Variants in FMNL1 observed in about 807,000 individuals in gnomAD.
FMNL1 encodes the protein formin like 1, also known as formin-like protein 1.
FMNL1 carries 43 observed loss-of-function variants against 121.3 expected under a neutral mutation model. That is an observed-to-expected ratio of 0.35 (90% CI 0.28 to 0.46). The LOEUF (loss-of-function observed/expected upper bound fraction) is 0.46. Among genes scored for constraint, FMNL1 ranks in the 20% least tolerant of loss-of-function variants. The probability of loss-of-function intolerance (pLI) is 1.00; values close to 1 mark genes in which losing one functional copy is unlikely to be tolerated. For missense variants in FMNL1, 1,191 were observed against 1,482.4 expected, an observed-to-expected ratio of 0.80 and a Z score of 3.23; for synonymous variants, 613 against 613.5, an observed-to-expected ratio of 1.00 and a Z score of 0.01.
intron 1 of FMNL1, among the ~76,000 whole-genome samples, chr17:45,227,114 G>A (rs1022513218): frequency 2.0e-5 from 3 of 152,084 alleles, no homozygotes; most frequent in Non-Finnish European, 4.4e-5. Flanking sequence ...TGGGCCCATC[G>A]GGCTGAGGAA....
At chr17:45,228,469 A>G (rs1347709876) in intron 1 of FMNL1, among the ~76,000 whole-genome samples, 1 of 152,208 alleles carries the variant, frequency 6.6e-6, no homozygotes, top group Non-Finnish European at 1.5e-5. Flanking sequence ...TCCAGGCTCA[A>G]AGCCAGCCCA....
chr17:45,230,576 C>T, intron 1 of FMNL1, 28 bp from the exon 2 acceptor site: 1 of 1,612,726 alleles, frequency 6.2e-7, no homozygotes, highest in Non-Finnish European at 8.5e-7. Flanking sequence ...GCCCCAGGCT[C>T]AGGGGTCTTT....
At position 45,233,352 on chromosome 17, in the gene FMNL1, C is replaced by T; in HGVS notation, c.401+55C>T. The stretch of plus-strand genomic sequence containing the variant: ...GGCCTAGGAAGGCTCTGCTTCCAGG[C>T]AGCTCCTGGAGCTTCCCCTTCCTAC... On this transcript the variant is annotated intron_variant, in intron 4 of 26. Coordinates refer to ENST00000331495, the MANE Select transcript of FMNL1 (RefSeq NM_005892.4). The surrounding 1 kb of genome is among the most constrained non-coding windows in gnomAD (Gnocchi z 4.1). The T allele has an allele frequency of 6.6e-7, 1 of 1,511,802 alleles. No individual in the cohort carries two copies. The highest frequency in any genetic ancestry group is 1.2e-5 in the South Asian group (1 of 82,488). The allele number at this position is 1,511,802 out of a possible 1,614,324, so 93.6% of individuals were successfully genotyped here.
intron 1 of FMNL1, among the ~76,000 whole-genome samples, chr17:45,224,684 C>T (rs1027142645): frequency 2.1e-4 from 32 of 152,200 alleles, no homozygotes; most frequent in Admixed American, 2.1e-3. Flanking sequence ...TGCAGGGAGC[C>T]CTTCTCCCAT....
chr17:45,242,228 T>G, intron 15 of FMNL1, 82 bp downstream of exon 15: 1 of 1,566,328 alleles, frequency 6.4e-7, no homozygotes, highest in Non-Finnish European at 8.7e-7. Context: ...TCCAGGGTCC[T>G]CTGCCTGGGG....
chr17:45,234,603 G>T (rs1598193063), intron 6 of FMNL1: 5 of 285,476 alleles, frequency 1.8e-5, no homozygotes, highest in South Asian at 1.5e-4. Flanking sequence ...GATGGAGGTT[G>T]CAGTGAGCTG....
At chr17:45,244,453 C>G (rs769408951) in intron 19 of FMNL1, among the ~76,000 whole-genome samples, 13 of 152,246 alleles carry the variant, frequency 8.5e-5, no homozygotes, top group Non-Finnish European at 1.3e-4. Context: ...CCGGAGGGCT[C>G]AGTCCCCTTT....
At chr17:45,230,540 C>A in intron 1 of FMNL1, 64 bp from the exon 2 acceptor site, 1 of 1,527,482 alleles carries the variant, frequency 6.5e-7, no homozygotes, top group Non-Finnish European at 9.0e-7. Context: ...CCCCAAATGC[C>A]CATTCTCCCC....
At position 45,237,241 on chromosome 17, in the gene FMNL1, G is replaced by T. The variant is rs1280361328; in HGVS notation, c.724-40G>T. 2 of 1,605,238 alleles carry T rather than the reference G, an allele frequency of 1.2e-6. No homozygotes were observed. The highest frequency in any genetic ancestry group is 1.7e-6 in the Non-Finnish European group (2 of 1,172,094). ...TGGCGTGGGTGCCTGAAGTCCTGGGGGGCCCTTCCTGGAGACACTGACCTC... is the reference window on the plus strand; with the variant it reads ...TGGCGTGGGTGCCTGAAGTCCTGGGTGGCCCTTCCTGGAGACACTGACCTC... On this transcript the variant is annotated intron_variant, in intron 7 of 26. Coordinates refer to ENST00000331495, the MANE Select transcript of FMNL1 (RefSeq NM_005892.4). This position sits in a 1 kb window ranked among gnomAD's most constrained non-coding sequence, Gnocchi z 4.4.
At position 45,233,184 on chromosome 17, in the gene FMNL1, C is replaced by T. The variant is rs375430667; in HGVS notation, c.328-40C>T. Reference sequence around the variant, plus strand: ...AGGACTTGGTGGGCCTGTGGGAGGCCGGGCTCCACCCACCAGCCTTCCCTG... The same window carrying T: ...AGGACTTGGTGGGCCTGTGGGAGGCTGGGCTCCACCCACCAGCCTTCCCTG... On this transcript the variant is annotated intron_variant, in intron 3 of 26. Coordinates refer to ENST00000331495, the MANE Select transcript of FMNL1 (RefSeq NM_005892.4). The surrounding 1 kb of genome is among the most constrained non-coding windows in gnomAD (Gnocchi z 4.1). The T allele has an allele frequency of 5.6e-5, 87 of 1,546,066 alleles. No homozygotes were observed. Among genetic ancestry groups the T allele is most frequent in the African/African-American group, 2.7e-4 (20 of 73,004 alleles).
chr17:45,239,306 A>G (rs538394442), intron 11 of FMNL1: 1 of 515,262 alleles, frequency 1.9e-6, no homozygotes, highest in East Asian at 3.4e-5. Context: ...TGCCTGGCAC[A>G]TACCAGGCCC....
intron 1 of FMNL1, among the ~76,000 whole-genome samples, chr17:45,229,343 G>T (rs1032773336): frequency 1.3e-5 from 2 of 152,214 alleles, no homozygotes; most frequent in African/African-American, 4.8e-5. Flanking sequence ...GTAAGGTCTG[G>T]CTGGAGCCCC....
Position 45,230,599 on chromosome 17 carries a change from C to G in FMNL1, c.130-5C>G, listed in dbSNP as rs2043418297. Reference sequence around the variant, plus strand: ...CTCAGGGGTCTTTGTCCTCCCTGTCCCCAGAACTGCATGAACTTGCCCCCA... The same window carrying G: ...CTCAGGGGTCTTTGTCCTCCCTGTCGCCAGAACTGCATGAACTTGCCCCCA... On this transcript the variant is annotated splice_region_variant and splice_polypyrimidine_tract_variant and intron_variant, in intron 1 of 26. Transcript: ENST00000331495. 5 of 1,613,790 alleles carry G rather than the reference C, an allele frequency of 3.1e-6. No individual in the cohort carries two copies. In the South Asian group the frequency reaches 4.4e-5, roughly 14 times the overall value.
In FMNL1 at chr17:45,222,941, T is replaced by C. The variant is rs1000775897; in HGVS notation, c.129+688T>C. 9.2e-5 allele frequency among the ~76,000 whole-genome samples: 14 copies of C among 152,176 alleles called. 1 individual carries two copies. The highest frequency in any genetic ancestry group is 3.4e-4 in the African/African-American group (14 of 41,552). ...CCCCCCTCTGTGCCTACCTGGGGAA[T>C]TGGAGCGGGGTCGCTGGGGAATAGG... On this transcript the variant is annotated intron_variant, in intron 1 of 26. Coordinates refer to ENST00000331495, the MANE Select transcript of FMNL1 (RefSeq NM_005892.4).
At position 45,242,387 on chromosome 17, in the gene FMNL1, C is replaced by A. The variant is rs149202333; in HGVS notation, c.1932C>A (p.Leu644=). ...KPIQTKFRMP[L]LNWVALKPSQ... Reference sequence around the variant, plus strand: ...TCCAGACTAAGTTCCGAATGCCACTCTTGAACTGGGTGGCACTGAAACCCA... The same window carrying A: ...TCCAGACTAAGTTCCGAATGCCACTATTGAACTGGGTGGCACTGAAACCCA... Residue 644 remains leucine (L), a synonymous_variant, in exon 16 of 27, where the codon CTC becomes CTA. Coordinates refer to ENST00000331495, the MANE Select transcript of FMNL1 (RefSeq NM_005892.4). The A allele has an allele frequency of 6.8e-6, 11 of 1,614,150 alleles. No homozygotes were observed. Among genetic ancestry groups the A allele is most frequent in the Non-Finnish European group, 9.3e-6 (11 of 1,179,978 alleles).
intron 1 of FMNL1, among the ~76,000 whole-genome samples, chr17:45,230,181 C>G (rs961445926): frequency 6.6e-6 from 1 of 152,086 alleles, no homozygotes; most frequent in East Asian, 1.9e-4. Context: ...ACTGGCCACA[C>G]TTTGGCCTGA....
chr17:45,228,803 G>T lies in FMNL1; in HGVS notation c.130-1801G>T, dbSNP rs1041792837. 4.0e-5 allele frequency among the ~76,000 whole-genome samples: 6 copies of T among 150,836 alleles called. No homozygotes were observed. In the East Asian group the frequency reaches 1.2e-3, roughly 30 times the overall value. On this transcript the variant is annotated intron_variant, in intron 1 of 26. Transcript: ENST00000331495. ...CTGTCCCCTCTGTGGCTCTGTGCTG[G>T]GCTCAGCCATCCCCTTACTCCCTGG... is the stretch of plus-strand genomic sequence containing the variant.
In FMNL1 at chr17:45,246,770, ATCTGAG is replaced by A. The variant is rs942112084; in HGVS notation, c.*9-94_*9-89del. On this transcript the variant is annotated intron_variant, in intron 26 of 26. Transcript: ENST00000331495. ...ACGGTACCCCTGCCATGTGCACACA[ATCTGAG>A]TCCTTAGGAGGCTAAGCTTTGTGCC... 6.8e-6 allele frequency: 5 copies of A among 731,468 alleles called. No homozygotes were observed. In the African/African-American group the frequency reaches 7.0e-5, roughly 10 times the overall value. The allele number at this position is 731,468 out of a possible 1,614,324, so 45.3% of individuals were successfully genotyped here.
Position 45,221,985 on chromosome 17 carries a change from G to GC in FMNL1, c.-134dup. ...GCCCCTGCGCGCCGCTGAGCCGAGC[G>GC]CCCCCCGCTGCCGAGACCCCCGCCG... On this transcript the variant is annotated 5_prime_UTR_variant, in exon 1 of 27. Transcript: ENST00000331495. The GC allele has an allele frequency of 3.5e-6, 2 of 564,908 alleles. No individual in the cohort carries two copies. Among genetic ancestry groups the GC allele is most frequent in the Non-Finnish European group, 2.5e-6 (1 of 400,460 alleles). The allele number at this position is 564,908 out of a possible 1,614,324, so 35.0% of individuals were successfully genotyped here.
Sources: allele counts gnomAD v4.1 joint callset (sites outside exome capture counted in the v4.1 genomes callset), GRCh38; gene constraint gnomAD v4.1.1; non-coding constraint Gnocchi (gnomAD v3.1); transcripts MANE v1.5; gene names NCBI Gene and HGNC (gene_info 2026-07-23, HGNC 2026-07-21).